Variants in APAF1 observed in about 807,000 individuals in gnomAD.
APAF1 encodes the protein apoptotic peptidase activating factor 1.
A neutral mutation model predicts 152.4 loss-of-function variants in APAF1; 91 were observed. The observed-to-expected ratio is 0.60, with a 90% CI of 0.50 to 0.71. APAF1 has a LOEUF of 0.71. Ranked by LOEUF, APAF1 falls within the 30% of genes least tolerant of loss-of-function variation. The pLI, the probability that APAF1 is intolerant of heterozygous loss-of-function variation, is 0.00. For synonymous variants in APAF1, 484 were observed against 494.1 expected (o/e 0.98, Z 0.27); for missense variants, 1,283 against 1,472.0 (o/e 0.87, Z 2.10).
chr12:98,726,039 C>T (rs977451477), intron 25 of APAF1, among the ~76,000 whole-genome samples: 1 of 152,150 alleles, frequency 6.6e-6, no homozygotes, highest in Admixed American at 6.5e-5. Flanking sequence ...TGCAGAGGTT[C>T]ACATTTCCGT....
chr12:98,673,395 C>G (rs1262694657), intron 12 of APAF1, among the ~76,000 whole-genome samples: 1 of 148,594 alleles, frequency 6.7e-6, no homozygotes, highest in Non-Finnish European at 1.5e-5. Context: ...GAGATTGTGC[C>G]ACTGCACTCC....
chr12:98,708,737 GT>G (rs1482353607), intron 20 of APAF1, 33 bp downstream of exon 20: 1 of 1,606,450 alleles, frequency 6.2e-7, no homozygotes, highest in Non-Finnish European at 8.5e-7. Context: ...TTGGAAAATT[GT>G]TTTGGTTGAA....
At chr12:98,715,761 G>C (rs7311388) in intron 22 of APAF1, among the ~76,000 whole-genome samples, 1 of 152,046 alleles carries the variant, frequency 6.6e-6, no homozygotes, top group South Asian at 2.1e-4. Context: ...CTGTTGGAAG[G>C]TTGTTTATTT....
At position 98,712,484 on chromosome 12, in the gene APAF1, CTAAT is replaced by C. The variant is rs2097729074; in HGVS notation, c.2958+52_2958+55del. 4.8e-6 allele frequency: 5 copies of C among 1,040,816 alleles called. No individual in the cohort carries two copies. The South Asian group carries it at 6.3e-5, about 13-fold the overall frequency. 64.5% of individuals were successfully genotyped at this position (1,040,816 alleles called of 1,614,324 possible). A position where few individuals can be genotyped will look rare whatever the true frequency, so the allele number is the denominator to read the frequency against. On this transcript the variant is annotated intron_variant, in intron 21 of 26. Coordinates refer to ENST00000551964, the MANE Select transcript of APAF1 (RefSeq NM_181861.2). Reference sequence around the variant, plus strand: ...TCTTTCTGTACAGAATTAAATAAAACTAATTATATGTCTGGCATTGTGCACTTCT... The same window carrying C: ...TCTTTCTGTACAGAATTAAATAAAACTATATGTCTGGCATTGTGCACTTCT...
At chr12:98,690,346 C>G (rs1209957991) in intron 16 of APAF1, among the ~76,000 whole-genome samples, 3 of 152,172 alleles carry the variant, frequency 2.0e-5, no homozygotes, top group East Asian at 1.9e-4. Context: ...ATTTTGGCCT[C>G]TATGCTATAT....
chr12:98,647,866 C>T (rs1168221948), intron 1 of APAF1, among the ~76,000 whole-genome samples: 2 of 152,054 alleles, frequency 1.3e-5, no homozygotes, highest in Admixed American at 6.5e-5. Flanking sequence ...ATTTAGGTTG[C>T]GTTCATCACT....
chr12:98,681,344 G>A (rs1357173267), intron 14 of APAF1, among the ~76,000 whole-genome samples: 2 of 152,180 alleles, frequency 1.3e-5, no homozygotes, highest in Non-Finnish European at 1.5e-5. Context: ...TTATAGGCAT[G>A]AGCCACTGTG....
intron 22 of APAF1, among the ~76,000 whole-genome samples, chr12:98,720,298 C>G (rs2097740681): frequency 6.6e-6 from 1 of 152,128 alleles, no homozygotes; most frequent in Admixed American, 6.5e-5. Context: ...TCCTCTTTTT[C>G]TGTTCTACTC....
At chr12:98,679,578 C>A (rs937336489) in intron 13 of APAF1, among the ~76,000 whole-genome samples, 1 of 152,354 alleles carries the variant, frequency 6.6e-6, no homozygotes, top group East Asian at 1.9e-4. Flanking sequence ...TGCCGCATTG[C>A]AAGTGAAGAT....
chr12:98,703,284 G>T (rs1433394853), intron 17 of APAF1, 87 bp from the exon 18 acceptor site: 6 of 1,463,790 alleles, frequency 4.1e-6, no homozygotes, highest in Non-Finnish European at 5.7e-6. Context: ...ATTTTTTTCA[G>T]GACTTATATT....
At chr12:98,727,970 T>A (rs7304836) in intron 26 of APAF1, among the ~76,000 whole-genome samples, 98,215 of 142,124 alleles carry the variant, frequency 0.69, 33,512 homozygotes, top group Admixed American at 0.73. Context: ...ATAAATAAAT[T>A]AATTAATTAA....
At position 98,706,488 on chromosome 12, in the gene APAF1, T is replaced by C; in HGVS notation, c.2599T>C (p.Trp867Arg). ...VALSQYCVEL[W>R]NTDSRSKVAD... ...ATATGCTGTGTTTATTCTGTAGTTG[T>C]GGAATACAGACTCACGTTCAAAGGT... is the stretch of plus-strand genomic sequence containing the variant. The change falls in exon 19 of 27, where the codon TGG becomes CGG. Residue 867 changes from tryptophan to arginine, a missense_variant. Trp to Arg is a moderately radical substitution (Grantham distance 101). Transcript: ENST00000551964. The C allele has an allele frequency of 6.2e-7, 1 of 1,614,030 alleles. No homozygotes were observed. Among genetic ancestry groups the C allele is most frequent in the Non-Finnish European group, 8.5e-7 (1 of 1,179,894 alleles).
intron 16 of APAF1, among the ~76,000 whole-genome samples, chr12:98,694,177 GA>G: frequency 6.6e-6 from 1 of 152,134 alleles, no homozygotes. Flanking sequence ...AATCCTAGAA[GA>G]AAACCTAGGA....
At chr12:98,667,165 TG>T (rs2097673987) in intron 9 of APAF1, among the ~76,000 whole-genome samples, 1 of 152,000 alleles carries the variant, frequency 6.6e-6, no homozygotes, top group Non-Finnish European at 1.5e-5. Flanking sequence ...TGGCATGCAG[TG>T]GCTCACTGCA....
rs377376484 is a variant in APAF1 at position 98,699,365 on chromosome 12, A to G, written c.2305-43A>G. 8.1e-4 allele frequency: 1,278 copies of G among 1,583,318 alleles called. 6 individuals are homozygous for G. The highest frequency in any genetic ancestry group is 8.1e-4 in the Non-Finnish European group (943 of 1,159,314). ...GGAAAAATTCTAGAAGTGTGATTAT[A>G]GAGTAAAACAAACTTTTTCTTTTTT... On this transcript the variant is annotated intron_variant, in intron 16 of 26. Transcript: ENST00000551964.
At chr12:98,658,687 C>T (rs1191938575) in intron 4 of APAF1, among the ~76,000 whole-genome samples, 2 of 152,156 alleles carry the variant, frequency 1.3e-5, no homozygotes, top group African/African-American at 4.8e-5. Context: ...CCCCAGGTGA[C>T]ATTTGACAAT....
chr12:98,705,047 G>C (rs1345017873), intron 18 of APAF1, among the ~76,000 whole-genome samples: 1 of 152,106 alleles, frequency 6.6e-6, no homozygotes, highest in Non-Finnish European at 1.5e-5. Context: ...GCCTCCCAAA[G>C]TGCTGGGGTT....
At position 98,708,553 on chromosome 12, in the gene APAF1, A is replaced by C. The variant is rs768615449; in HGVS notation, c.2722-32A>C. 5 of 1,606,422 alleles carry C rather than the reference A, an allele frequency of 3.1e-6. No individual in the cohort carries two copies. In the South Asian group the frequency reaches 5.5e-5, roughly 18 times the overall value. On this transcript the variant is annotated intron_variant, in intron 19 of 26. Coordinates refer to ENST00000551964, the MANE Select transcript of APAF1 (RefSeq NM_181861.2). ...AAGATGAAGACATGTTATTTTAGAG[A>C]TGGAATGATAATTTCTTTATCTCTT...
chr12:98,700,831 A>G (rs1393274592), intron 17 of APAF1, among the ~76,000 whole-genome samples: 1 of 152,154 alleles, frequency 6.6e-6, no homozygotes, highest in Non-Finnish European at 1.5e-5. Context: ...TTGCCTAGGT[A>G]TTTCATATAA....
Sources: allele counts gnomAD v4.1 joint callset (sites outside exome capture counted in the v4.1 genomes callset), GRCh38; gene constraint gnomAD v4.1.1; transcripts MANE v1.5; gene names NCBI Gene and HGNC (gene_info 2026-07-23, HGNC 2026-07-21).